CDYL2: variants seen among roughly 807,000 people sequenced by gnomAD.
The protein encoded by CDYL2 is chromodomain Y like 2, also known as chromodomain Y-like protein 2.
CDYL2 carries 23 observed loss-of-function variants against 49.4 expected under a neutral mutation model. That is an observed-to-expected ratio of 0.47 (90% CI 0.34 to 0.66). The LOEUF is 0.66. Ranked by LOEUF, CDYL2 falls within the 30% of genes least tolerant of loss-of-function variation. The pLI is 0.01. For missense variants in CDYL2, 678 were observed against 656.4 expected, an observed-to-expected ratio of 1.03 and a Z score of -0.36; for synonymous variants, 360 against 268.8, an observed-to-expected ratio of 1.34 and a Z score of -3.32.
intron 2 of CDYL2, among the ~76,000 whole-genome samples, chr16:80,636,942 T>C (rs915967563): frequency 4.6e-5 from 7 of 152,032 alleles, no homozygotes; most frequent in African/African-American, 1.2e-4. Flanking sequence ...TCTCAGCAAA[T>C]GAACACATGA....
intron 1 of CDYL2, among the ~76,000 whole-genome samples, chr16:80,760,469 A>T (rs950532158): frequency 6.6e-6 from 1 of 152,214 alleles, no homozygotes; most frequent in Non-Finnish European, 1.5e-5. Context: ...GTACATTTTA[A>T]AATAACTAAG....
chr16:80,657,041 G>C (rs1193108535), intron 2 of CDYL2, among the ~76,000 whole-genome samples: 1 of 152,118 alleles, frequency 6.6e-6, no homozygotes, highest in African/African-American at 2.4e-5. Flanking sequence ...GAGAGAGAAG[G>C]AACGAGAAAC....
chr16:80,661,626 C>G (rs1185940318), intron 2 of CDYL2, among the ~76,000 whole-genome samples: 1 of 152,200 alleles, frequency 6.6e-6, no homozygotes, highest in East Asian at 1.9e-4. Context: ...GACACTGAAA[C>G]TAGCCCTGGT....
chr16:80,722,545 G>T (rs905231005), intron 1 of CDYL2, among the ~76,000 whole-genome samples: 5 of 152,202 alleles, frequency 3.3e-5, no homozygotes, highest in African/African-American at 1.2e-4. Context: ...CATGTATATT[G>T]TATCTGTAAT....
intron 1 of CDYL2, among the ~76,000 whole-genome samples, chr16:80,727,506 A>C (rs1026759411): frequency 6.6e-6 from 1 of 152,200 alleles, no homozygotes; most frequent in African/African-American, 2.4e-5. Context: ...TGCAAGGTGG[A>C]AGCGAGGCTC....
At chr16:80,707,344 T>A (rs913520380) in intron 1 of CDYL2, among the ~76,000 whole-genome samples, 1 of 151,948 alleles carries the variant, frequency 6.6e-6, no homozygotes, top group African/African-American at 2.4e-5. Context: ...CGTGTGTCTG[T>A]CCTATACTTG....
At chr16:80,732,513 A>AAGG (rs1257670584) in intron 1 of CDYL2, among the ~76,000 whole-genome samples, 1 of 152,208 alleles carries the variant, frequency 6.6e-6, no homozygotes, top group Admixed American at 6.5e-5. Flanking sequence ...ATATCTTTGG[A>AAGG]AGGAAGTTCA....
At chr16:80,748,775 T>C (rs1463467899) in intron 1 of CDYL2, among the ~76,000 whole-genome samples, 1 of 152,092 alleles carries the variant, frequency 6.6e-6, no homozygotes. Context: ...AACTTAACAG[T>C]TGATCCCTGT....
At chr16:80,688,850 T>C (rs1262555240) in intron 1 of CDYL2, among the ~76,000 whole-genome samples, 1 of 152,114 alleles carries the variant, frequency 6.6e-6, no homozygotes, top group African/African-American at 2.4e-5. Flanking sequence ...GGAAATCCTT[T>C]TTAAGCTCCT....
intron 1 of CDYL2, among the ~76,000 whole-genome samples, chr16:80,778,270 C>G (rs1425751473): frequency 6.6e-6 from 1 of 151,866 alleles, no homozygotes; most frequent in Non-Finnish European, 1.5e-5. Context: ...CTAGCTATTA[C>G]ACTATAATTT....
At chr16:80,772,538 T>C (rs1018135980) in intron 1 of CDYL2, among the ~76,000 whole-genome samples, 10 of 152,150 alleles carry the variant, frequency 6.6e-5, no homozygotes, top group Non-Finnish European at 1.3e-4. Flanking sequence ...CTGCAACCTC[T>C]GCTTCCTGGG....
intron 1 of CDYL2, among the ~76,000 whole-genome samples, chr16:80,759,222 A>G (rs1294515498): frequency 6.7e-6 from 1 of 148,724 alleles, no homozygotes; most frequent in Non-Finnish European, 1.5e-5. Context: ...TACCTATGAT[A>G]TAGGTTAGTG....
intron 1 of CDYL2, among the ~76,000 whole-genome samples, chr16:80,765,711 C>T (rs73579930): frequency 1.0e-5 from 1 of 96,672 alleles, no homozygotes; most frequent in Non-Finnish European, 1.9e-5. Flanking sequence ...TCTATCCATA[C>T]AAGGGAGTAT....
chr16:80,612,945 GT>G lies in CDYL2; in HGVS notation c.1008-110del. The G allele has an allele frequency of 9.9e-7, 1 of 1,005,478 alleles. No homozygotes were observed. Among genetic ancestry groups the G allele is most frequent in the Non-Finnish European group, 1.4e-6 (1 of 702,768 alleles). 62.3% of individuals were successfully genotyped at this position (1,005,478 alleles called of 1,614,324 possible). On this transcript the variant is annotated intron_variant, in intron 4 of 6. Coordinates refer to ENST00000570137, the MANE Select transcript of CDYL2 (RefSeq NM_152342.4). The surrounding 1 kb of genome is among the most constrained non-coding windows in gnomAD (Gnocchi z 5.0). Reference sequence around the variant, plus strand: ...GAGGAGCACCCTCAGGTCGTCAGAGGTTAGAGGTGCCAGGCAAGGGCCTCAT... The same window carrying G: ...GAGGAGCACCCTCAGGTCGTCAGAGGTAGAGGTGCCAGGCAAGGGCCTCAT...
At chr16:80,658,609 C>T (rs1164041592) in intron 2 of CDYL2, among the ~76,000 whole-genome samples, 1 of 151,934 alleles carries the variant, frequency 6.6e-6, no homozygotes, top group African/African-American at 2.4e-5. Context: ...TGCAGAGAGG[C>T]AAGGAAGAAT....
chr16:80,636,607 G>C (rs1907838141), intron 2 of CDYL2, among the ~76,000 whole-genome samples: 1 of 152,296 alleles, frequency 6.6e-6, no homozygotes, highest in South Asian at 2.1e-4. Flanking sequence ...CTTTTGGTGG[G>C]AGTGTAAATT....
intron 2 of CDYL2, among the ~76,000 whole-genome samples, chr16:80,684,096 C>A (rs1910077402): frequency 6.6e-6 from 1 of 152,196 alleles, no homozygotes; most frequent in South Asian, 2.1e-4. Context: ...AACCCAGACC[C>A]TACCTCTCTG....
chr16:80,650,340 T>C (rs1307023243), intron 2 of CDYL2, among the ~76,000 whole-genome samples: 1 of 152,156 alleles, frequency 6.6e-6, no homozygotes, highest in Non-Finnish European at 1.5e-5. Context: ...GACATACAAA[T>C]GGCAAACAGG....
intron 1 of CDYL2, among the ~76,000 whole-genome samples, chr16:80,712,503 T>C (rs1904653962): frequency 6.6e-6 from 1 of 151,660 alleles, no homozygotes; most frequent in Non-Finnish European, 1.5e-5. Context: ...CTGAACCCTC[T>C]CAGATGTGAA....
Sources: gnomAD v4.1 joint callset for allele counts (sites outside exome capture counted in the v4.1 genomes callset) on GRCh38, gnomAD v4.1.1 for gene constraint, Gnocchi (gnomAD v3.1) non-coding constraint, MANE v1.5 for transcripts, NCBI Gene and HGNC (gene_info 2026-07-23, HGNC 2026-07-21) for gene names.